Variants in ARHGAP15 observed in about 807,000 individuals in gnomAD.
The protein encoded by ARHGAP15 is rho GTPase-activating protein 15.
In ARHGAP15, 51 loss-of-function variants were observed where a neutral mutation model predicts 63.7. That is an observed-to-expected ratio of 0.80 (90% confidence interval 0.64 to 1.01). The LOEUF (loss-of-function observed/expected upper bound fraction) is 1.01. Ranked by LOEUF, ARHGAP15 falls within the 50% of genes least tolerant of loss-of-function variation. The pLI is 0.00. For synonymous variants in ARHGAP15, 191 were observed against 193.8 expected, an observed-to-expected ratio of 0.99 and a Z score of 0.12; for missense variants, 560 against 564.6, an observed-to-expected ratio of 0.99 and a Z score of 0.08.
intron 12 of ARHGAP15, among the ~76,000 whole-genome samples, chr2:143,631,437 G>A (rs567409746): frequency 3.9e-5 from 6 of 152,102 alleles, no homozygotes; most frequent in South Asian, 2.1e-4. Context: ...TTCAATTCCC[G>A]TCAACAGTAT....
intron 11 of ARHGAP15, among the ~76,000 whole-genome samples, chr2:143,562,435 A>C (rs910617560): frequency 6.6e-6 from 1 of 152,172 alleles, no homozygotes; most frequent in Non-Finnish European, 1.5e-5. Flanking sequence ...TTGCCCTCTT[A>C]TTATTTTTAA....
intron 6 of ARHGAP15, among the ~76,000 whole-genome samples, chr2:143,345,926 A>C (rs1418111785): frequency 6.6e-6 from 1 of 152,026 alleles, no homozygotes; most frequent in Non-Finnish European, 1.5e-5. Flanking sequence ...TCATTATATG[A>C]GAAATCCTTC....
chr2:143,162,053 A>C (rs964733869), intron 2 of ARHGAP15: 1 of 151,998 alleles, frequency 6.6e-6, no homozygotes, highest in African/African-American at 2.4e-5. Flanking sequence ...TAGTCTAAAA[A>C]ATTCAGTTCC....
intron 11 of ARHGAP15, chr2:143,607,557 G>C (rs1698086078): frequency 6.6e-6 from 1 of 151,568 alleles, no homozygotes; most frequent in African/African-American, 2.4e-5. Flanking sequence ...ACGAGAGAGA[G>C]AGAGAGAGAG....
At chr2:143,362,207 A>G (rs935082029) in intron 6 of ARHGAP15, among the ~76,000 whole-genome samples, 7 of 152,210 alleles carry the variant, frequency 4.6e-5, no homozygotes, top group Non-Finnish European at 1.0e-4. Flanking sequence ...TATCACAATT[A>G]TACATCAGCG....
chr2:143,172,023 C>T (rs1690801436), intron 2 of ARHGAP15: 3 of 151,956 alleles, frequency 2.0e-5, no homozygotes, highest in South Asian at 4.1e-4. Flanking sequence ...GCTGCTTTAT[C>T]CTTAGCATTT....
intron 13 of ARHGAP15, among the ~76,000 whole-genome samples, chr2:143,744,374 T>G (rs1383099595): frequency 6.6e-6 from 1 of 152,226 alleles, no homozygotes; most frequent in Non-Finnish European, 1.5e-5. Context: ...TACCGCTACT[T>G]GGCTGAGAAG....
In ARHGAP15 at chr2:143,768,056, C is replaced by T. The variant is rs11538443; in HGVS notation, c.1312C>T (p.Leu438Phe). Residue 438 changes from leucine (L) to phenylalanine (F), a missense_variant, in exon 14 of 14, where the codon CTT becomes TTT. Leu to Phe is a conservative substitution (Grantham distance 22). Coordinates refer to ENST00000295095, the MANE Select transcript of ARHGAP15 (RefSeq NM_018460.4). ...CTTGGGGATTGTATTTGGACCTACC[C>T]TTCTGCGAGCTGAAAATGAAACAGG... ...QSLGIVFGPT[L>F]LRAENETGNM... 1 of 1,613,748 alleles carries T rather than the reference C, an allele frequency of 6.2e-7. No homozygotes were observed. Among genetic ancestry groups the T allele is most frequent in the Non-Finnish European group, 8.5e-7 (1 of 1,179,774 alleles).
At chr2:143,305,966 TACAA>T in intron 6 of ARHGAP15, among the ~76,000 whole-genome samples, 1 of 152,288 alleles carries the variant, frequency 6.6e-6, no homozygotes, top group East Asian at 1.9e-4. Flanking sequence ...CTGTGTATCT[TACAA>T]ACAAATCACT....
chr2:143,684,684 G>A (rs1412860712), intron 12 of ARHGAP15, among the ~76,000 whole-genome samples: 1 of 152,154 alleles, frequency 6.6e-6, no homozygotes, highest in African/African-American at 2.4e-5. Flanking sequence ...GATGTAGCAT[G>A]CATGTTGTTT....
intron 13 of ARHGAP15, among the ~76,000 whole-genome samples, chr2:143,756,309 C>T (rs965276329): frequency 6.6e-6 from 1 of 152,142 alleles, no homozygotes; most frequent in Non-Finnish European, 1.5e-5. Flanking sequence ...CATTATTCTG[C>T]TTGGCTTAAT....
chr2:143,373,879 G>T (rs1159538887), intron 6 of ARHGAP15, among the ~76,000 whole-genome samples: 1 of 151,992 alleles, frequency 6.6e-6, no homozygotes, highest in Non-Finnish European at 1.5e-5. Flanking sequence ...CCTAATGAAA[G>T]AATAAAACAT....
At chr2:143,378,914 T>C (rs887152707) in intron 6 of ARHGAP15, among the ~76,000 whole-genome samples, 4 of 152,046 alleles carry the variant, frequency 2.6e-5, no homozygotes, top group African/African-American at 7.2e-5. Context: ...TTGAAGGGAA[T>C]GGGTGGAATC....
chr2:143,373,102 T>C (rs771380538), intron 6 of ARHGAP15, among the ~76,000 whole-genome samples: 16 of 152,168 alleles, frequency 1.1e-4, no homozygotes, highest in Admixed American at 3.3e-4. Flanking sequence ...TACAATTTCA[T>C]AGTCCCTTTT....
rs12621976 is a variant in ARHGAP15, at chr2:143,348,989, A to G, written c.475-86612A>G. Among the ~76,000 whole-genome samples the G allele has an allele frequency of 0.028, 4,191 of 152,250 alleles. 462 individuals are homozygous for G. The East Asian group carries it at 0.4, about 15-fold the overall frequency. Reference sequence around the variant, plus strand: ...ATTTTTAAAAATCTGTAACTGTTCGATAAGAGAAATGTGGGTACTGGAAGG... The same window carrying G: ...ATTTTTAAAAATCTGTAACTGTTCGGTAAGAGAAATGTGGGTACTGGAAGG... On this transcript the variant is annotated intron_variant, in intron 6 of 13. Coordinates refer to ENST00000295095, the MANE Select transcript of ARHGAP15 (RefSeq NM_018460.4).
intron 6 of ARHGAP15, among the ~76,000 whole-genome samples, chr2:143,405,992 T>C (rs1237768831): frequency 1.3e-5 from 2 of 151,996 alleles, no homozygotes; most frequent in Non-Finnish European, 2.9e-5. Context: ...TCTTATCTAC[T>C]TGTAAATTCA....
chr2:143,524,370 C>T (rs1257892880), intron 10 of ARHGAP15, among the ~76,000 whole-genome samples: 2 of 152,164 alleles, frequency 1.3e-5, no homozygotes, highest in Non-Finnish European at 2.9e-5. Context: ...AAGGGACTGA[C>T]CTTTTGTAGC....
chr2:143,471,271 TAGAG>T lies in ARHGAP15; in HGVS notation c.704-16099_704-16096del, dbSNP rs142808365. On this transcript the variant is annotated intron_variant, in intron 8 of 13. Coordinates refer to ENST00000295095, the MANE Select transcript of ARHGAP15 (RefSeq NM_018460.4). ...ATATACACACATATATATATACACA[TAGAG>T]AGCATGCATTTATTTTTGTTTGTGT... 6.6e-3 allele frequency among the ~76,000 whole-genome samples: 993 copies of T among 150,542 alleles called. 8 individuals are homozygous for T. The highest frequency in any genetic ancestry group is 0.012 in the African/African-American group (504 of 41,042).
intron 10 of ARHGAP15, among the ~76,000 whole-genome samples, chr2:143,525,355 CAAAA>C (rs11291093): frequency 7.2e-6 from 1 of 139,480 alleles, no homozygotes; most frequent in Non-Finnish European, 1.6e-5. Context: ...TTACATGCTC[CAAAA>C]AAAAAAAAAA....
Sources: allele counts gnomAD v4.1 joint callset (sites outside exome capture counted in the v4.1 genomes callset), GRCh38; gene constraint gnomAD v4.1.1; transcripts MANE v1.5; gene names NCBI Gene and HGNC (gene_info 2026-07-23, HGNC 2026-07-21).